The following TBC1D8 variants were observed in gnomAD, a reference collection of about 807,000 sequenced individuals.
TBC1D8 encodes BUB2-like protein 1.
A neutral mutation model predicts 118.8 loss-of-function variants in TBC1D8; 65 were observed. The observed-to-expected ratio is 0.55, with a 90% confidence interval of 0.45 to 0.67. TBC1D8 has a LOEUF of 0.67. Among genes scored for constraint, TBC1D8 ranks in the 30% least tolerant of loss-of-function variants. The pLI, the probability that TBC1D8 is intolerant of heterozygous loss-of-function variation, is 0.00. For synonymous variants in TBC1D8, 566 were observed against 595.8 expected (o/e 0.95, Z 0.73); for missense variants, 1,376 against 1,471.2 (o/e 0.94, Z 1.06).
At chr2:101,141,800 C>T (rs763066562) in intron 1 of TBC1D8, among the ~76,000 whole-genome samples, 5 of 148,044 alleles carry the variant, frequency 3.4e-5, no homozygotes, top group Non-Finnish European at 4.4e-5. Context: ...CACATGAAGG[C>T]GCGCACACAC....
chr2:101,149,656 A>C (rs114600032), intron 1 of TBC1D8, among the ~76,000 whole-genome samples: 1 of 152,190 alleles, frequency 6.6e-6, no homozygotes. Context: ...ATAAAGATAC[A>C]CTGCCCTCAA....
At chr2:101,114,999 T>C (rs1480443491) in intron 1 of TBC1D8, among the ~76,000 whole-genome samples, 1 of 152,182 alleles carries the variant, frequency 6.6e-6, no homozygotes, top group Non-Finnish European at 1.5e-5. Flanking sequence ...TGCCAACTGG[T>C]GTGTTTCACA....
At chr2:101,061,395 C>T (rs892224307) in intron 2 of TBC1D8, among the ~76,000 whole-genome samples, 1 of 151,892 alleles carries the variant, frequency 6.6e-6, no homozygotes, top group East Asian at 1.9e-4. Context: ...TTGTTCTGAG[C>T]GGACACTTAG....
At position 101,057,280 on chromosome 2, in the gene TBC1D8, C is replaced by A. The variant is rs573323230; in HGVS notation, c.402+2141G>T. 9.2e-5 allele frequency among the ~76,000 whole-genome samples: 14 copies of A among 152,330 alleles called. No individual in the cohort carries two copies. In the East Asian group the frequency reaches 2.5e-3, roughly 27 times the overall value. On this transcript the variant is annotated intron_variant, in intron 3 of 19. Transcript: ENST00000409318. ...CTCAGTCACCAGAAACAGCTCTTGA[C>A]CCTCCCAAGTCCAGAAACAGCCCTG...
chr2:101,092,574 T>TTA (rs1676111743), intron 1 of TBC1D8, among the ~76,000 whole-genome samples: 1 of 152,132 alleles, frequency 6.6e-6, no homozygotes, highest in Non-Finnish European at 1.5e-5. Flanking sequence ...TTTCAAAGGG[T>TTA]TATAATCTAT....
chr2:101,125,271 C>T (rs1294049007), intron 1 of TBC1D8, among the ~76,000 whole-genome samples: 1 of 152,108 alleles, frequency 6.6e-6, no homozygotes, highest in African/African-American at 2.4e-5. Context: ...CATAACCACT[C>T]CCTTCTAAGA....
chr2:101,099,279 G>A (rs919595750), intron 1 of TBC1D8, among the ~76,000 whole-genome samples: 1 of 152,076 alleles, frequency 6.6e-6, no homozygotes, highest in Admixed American at 6.5e-5. Flanking sequence ...ATAAATTTCT[G>A]GACGCATACC....
intron 17 of TBC1D8, among the ~76,000 whole-genome samples, chr2:101,013,561 TTC>T (rs1263778820): frequency 1.3e-5 from 2 of 152,244 alleles, no homozygotes; most frequent in Non-Finnish European, 2.9e-5. Flanking sequence ...CATCTCAGAC[TTC>T]TGTTTGAAGG....
intron 1 of TBC1D8, among the ~76,000 whole-genome samples, chr2:101,136,534 CAGACAGCTACAT>C (rs1228123678): frequency 6.6e-6 from 1 of 152,220 alleles, no homozygotes; most frequent in Admixed American, 6.5e-5. Context: ...CCCACATTAA[CAGACAGCTACAT>C]AATACTGGGA....
intron 2 of TBC1D8, among the ~76,000 whole-genome samples, chr2:101,070,164 G>A (rs181802560): frequency 2.3e-4 from 35 of 151,902 alleles, no homozygotes; most frequent in Admixed American, 3.3e-4. Flanking sequence ...TGATCTACCC[G>A]CCTCGACCTC....
chr2:101,117,360 C>A (rs1574059103), intron 1 of TBC1D8, among the ~76,000 whole-genome samples: 1 of 152,126 alleles, frequency 6.6e-6, no homozygotes, highest in African/African-American at 2.4e-5. Context: ...TCTCCAAAGC[C>A]TCCCACAATA....
At chr2:101,019,177 C>T (rs2105373092) in intron 17 of TBC1D8, 1 of 1,190,806 alleles carries the variant, frequency 8.4e-7, no homozygotes, top group South Asian at 1.5e-5. Context: ...CAGGCCTGTT[C>T]TACACGGCCG....
chr2:101,127,029 C>T (rs1416614579), intron 1 of TBC1D8, among the ~76,000 whole-genome samples: 1 of 152,294 alleles, frequency 6.6e-6, no homozygotes, highest in African/African-American at 2.4e-5. Flanking sequence ...AGCCAGAGAA[C>T]AAGCTGTTAA....
At chr2:101,112,692 C>T (rs1479339185) in intron 1 of TBC1D8, among the ~76,000 whole-genome samples, 3 of 152,200 alleles carry the variant, frequency 2.0e-5, no homozygotes, top group African/African-American at 7.2e-5. Context: ...ATTGGCCACT[C>T]ACGGTCCTGA....
chr2:101,082,385 T>C (rs889755685), intron 2 of TBC1D8, among the ~76,000 whole-genome samples: 38 of 152,230 alleles, frequency 2.5e-4, no homozygotes, highest in African/African-American at 7.7e-4. Flanking sequence ...GAGATAGGCA[T>C]CAATGCAGCC....
Position 101,037,828 on chromosome 2 carries a change from CAG to C in TBC1D8, c.1276-122_1276-121del, listed in dbSNP as rs904817986. On this transcript the variant is annotated intron_variant, in intron 7 of 19. Transcript: ENST00000409318. ...ACGGGCATAGCAGACTTCAATGACTCAGGGGGAAGACAGACTGACGCCAGACC... is the reference window on the plus strand; with the variant it reads ...ACGGGCATAGCAGACTTCAATGACTCGGGGAAGACAGACTGACGCCAGACC... 48 of 1,253,026 alleles carry C rather than the reference CAG, an allele frequency of 3.8e-5. No individual in the cohort carries two copies. In the African/African-American group the frequency reaches 4.9e-4, roughly 13 times the overall value. 77.6% of individuals were successfully genotyped at this position (1,253,026 alleles called of 1,614,324 possible). A position where few individuals can be genotyped will look rare whatever the true frequency, so the allele number is the denominator to read the frequency against.
intron 1 of TBC1D8, among the ~76,000 whole-genome samples, chr2:101,112,113 G>T (rs539280143): frequency 6.6e-6 from 1 of 152,220 alleles, no homozygotes; most frequent in East Asian, 1.9e-4. Flanking sequence ...AATAACCCCT[G>T]GATGGGGACC....
chr2:101,011,339 G>T, intron 18 of TBC1D8, 112 bp downstream of exon 18: 5 of 1,107,878 alleles, frequency 4.5e-6, no homozygotes, highest in African/African-American at 1.5e-5. Flanking sequence ...ATAATTCATT[G>T]GACGAAGGGA....
At chr2:101,143,606 C>G (rs980815244) in intron 1 of TBC1D8, among the ~76,000 whole-genome samples, 2 of 152,106 alleles carry the variant, frequency 1.3e-5, no homozygotes, top group Admixed American at 1.3e-4. Context: ...AATGTCCAGG[C>G]GGGAGTGCAG....
Sources: allele counts gnomAD v4.1 joint callset (sites outside exome capture counted in the v4.1 genomes callset), GRCh38; gene constraint gnomAD v4.1.1; transcripts MANE v1.5; gene names NCBI Gene and HGNC (gene_info 2026-07-23, HGNC 2026-07-21).